The following GPAT3 variants were observed in gnomAD, a reference collection of about 807,000 sequenced individuals.
GPAT3 encodes the protein glycerol-3-phosphate acyltransferase 3.
Under a neutral mutation model 58.8 loss-of-function variants are expected in GPAT3, and 53 were observed. That is an observed-to-expected ratio of 0.90 (90% CI 0.72 to 1.13). The LOEUF (loss-of-function observed/expected upper bound fraction) is 1.13, where lower values mean the gene tolerates loss of function less well. GPAT3 is among the 50% of genes most tolerant of loss of function. The pLI is 0.00. For missense variants in GPAT3, 511 were observed against 527.6 expected, an observed-to-expected ratio of 0.97 and a Z score of 0.31; for synonymous variants, 197 against 187.4, an observed-to-expected ratio of 1.05 and a Z score of -0.42.
intron 1 of GPAT3, among the ~76,000 whole-genome samples, chr4:83,542,539 C>T (rs766618132): frequency 2.0e-5 from 3 of 152,162 alleles, no homozygotes; most frequent in African/African-American, 7.2e-5. Context: ...GGGGTCCTGA[C>T]GTAGTCAGAT....
rs1282924798 is a variant in GPAT3 at position 83,541,898 on chromosome 4, A to T, written c.142-2638A>T. Reference sequence around the variant, plus strand: ...CGTGGCCCTTTCTCTCTGTGCTCACATCCTTGTGTCTATTTGCATGTCCAA... The same window carrying T: ...CGTGGCCCTTTCTCTCTGTGCTCACTTCCTTGTGTCTATTTGCATGTCCAA... On this transcript the variant is annotated intron_variant, in intron 1 of 11. Coordinates refer to ENST00000264409, the MANE Select transcript of GPAT3 (RefSeq NM_032717.5). Among the ~76,000 whole-genome samples, 3 of 152,208 alleles carry T rather than the reference A, an allele frequency of 2.0e-5. No individual in the cohort carries two copies. In the East Asian group the frequency reaches 5.8e-4, roughly 29 times the overall value.
intron 2 of GPAT3, among the ~76,000 whole-genome samples, chr4:83,560,382 GC>G (rs1725087064): frequency 6.6e-6 from 1 of 152,162 alleles, no homozygotes; most frequent in Admixed American, 6.5e-5. Flanking sequence ...TGCCCAGGCA[GC>G]CGTACCTGCT....
chr4:83,536,568 T>A lies in GPAT3; in HGVS notation c.-55T>A. Reference sequence around the variant, plus strand: ...CGCGGGACTGCCTGGGGACAGGGACTGCTGTGGCGCTCGGCCCTCCACTGC... The same window carrying A: ...CGCGGGACTGCCTGGGGACAGGGACAGCTGTGGCGCTCGGCCCTCCACTGC... On this transcript the variant is annotated 5_prime_UTR_variant, in exon 1 of 12. Coordinates refer to ENST00000264409, the MANE Select transcript of GPAT3 (RefSeq NM_032717.5). The A allele has an allele frequency of 6.3e-7, 1 of 1,586,078 alleles. No homozygotes were observed. Among genetic ancestry groups the A allele is most frequent in the Non-Finnish European group, 8.6e-7 (1 of 1,165,002 alleles).
At chr4:83,553,371 G>A (rs1042325415) in intron 2 of GPAT3, among the ~76,000 whole-genome samples, 6 of 152,028 alleles carry the variant, frequency 3.9e-5, no homozygotes, top group Non-Finnish European at 5.9e-5. Flanking sequence ...TTTTCTTTTC[G>A]AATAGTAGTA....
At chr4:83,592,344 T>A (rs183197695) in intron 6 of GPAT3, among the ~76,000 whole-genome samples, 15 of 152,308 alleles carry the variant, frequency 9.8e-5, no homozygotes, top group Admixed American at 9.2e-4. Context: ...GGAGGTGGCG[T>A]AAGGCAGATG....
Position 83,598,157 on chromosome 4 carries a change from A to G in GPAT3, c.1103A>G (p.Tyr368Cys), listed in dbSNP as rs771494552. The G allele has an allele frequency of 6.2e-7, 1 of 1,613,432 alleles. No individual in the cohort carries two copies. The highest frequency in any genetic ancestry group is 1.1e-5 in the South Asian group (1 of 91,008). Reference sequence around the variant, plus strand: ...TGGGCCATCGTCTGTGACGTGTGGTACATGCCCCCCATGACCAGAGAGGTA... The same window carrying G: ...TGGGCCATCGTCTGTGACGTGTGGTGCATGCCCCCCATGACCAGAGAGGTA... ...TSWAIVCDVW[Y>C]MPPMTREEGE... is the part of the protein sequence containing the mutation. The change falls in exon 10 of 12, where the codon TAC becomes TGC. Residue 368 changes from tyrosine (Y) to cysteine (C), a missense_variant. By Grantham distance (194) the Tyr-to-Cys change is radical (BLOSUM62 -2). Coordinates refer to ENST00000264409, the MANE Select transcript of GPAT3 (RefSeq NM_032717.5).
At chr4:83,552,534 G>A (rs1724792857) in intron 2 of GPAT3, among the ~76,000 whole-genome samples, 1 of 152,238 alleles carries the variant, frequency 6.6e-6, no homozygotes, top group Admixed American at 6.5e-5. Flanking sequence ...GAATGACAAA[G>A]TAAGGCATAG....
At chr4:83,547,283 T>G (rs10027723) in intron 2 of GPAT3, among the ~76,000 whole-genome samples, 2 of 135,124 alleles carry the variant, frequency 1.5e-5, no homozygotes, top group African/African-American at 2.9e-5. Flanking sequence ...GATGGAGTCT[T>G]GCTCTGTCAC....
chr4:83,579,130 TCTTTCTCC>T (rs1232305764), intron 2 of GPAT3, among the ~76,000 whole-genome samples: 1 of 77,074 alleles, frequency 1.3e-5, no homozygotes, highest in Admixed American at 1.5e-4. Flanking sequence ...TTCCTTCCTT[TCTTTCTCC>T]CTCCCTCCCT....
intron 3 of GPAT3, among the ~76,000 whole-genome samples, chr4:83,584,509 A>G (rs1026755846): frequency 6.6e-6 from 1 of 152,154 alleles, no homozygotes; most frequent in African/African-American, 2.4e-5. Context: ...TGAATTGCAT[A>G]CTTTATTTTA....
Position 83,536,738 on chromosome 4 carries a change from T to G in GPAT3, c.116T>G (p.Met39Arg). ...GVSLGISEIY[M>R]KILVKTLEWA... is the part of the protein sequence containing the mutation. Reference sequence around the variant, plus strand: ...TCTCTGGGCATCTCCGAGATCTACATGAAGATCCTAGTGAAAACTTTAGAG... The same window carrying G: ...TCTCTGGGCATCTCCGAGATCTACAGGAAGATCCTAGTGAAAACTTTAGAG... The change falls in exon 1 of 12, where the codon ATG (methionine) becomes AGG (arginine). Residue 39 changes from methionine to arginine, a missense_variant. Transcript: ENST00000264409. 1 of 1,568,872 alleles carries G rather than the reference T, an allele frequency of 6.4e-7. No homozygotes were observed. The highest frequency in any genetic ancestry group is 8.6e-7 in the Non-Finnish European group (1 of 1,156,790).
chr4:83,588,367 T>C (rs1726468315), intron 5 of GPAT3, 68 bp downstream of exon 5: 7 of 1,463,534 alleles, frequency 4.8e-6, no homozygotes, highest in African/African-American at 4.2e-5. Context: ...CAAGGAAGCA[T>C]TGGAAGTGGT....
chr4:83,588,091 T>C, intron 4 of GPAT3, 119 bp from the exon 5 acceptor site: 2 of 764,668 alleles, frequency 2.6e-6, no homozygotes, highest in South Asian at 3.4e-5. Flanking sequence ...AATTGAACTG[T>C]ACCTGTTCAC....
chr4:83,573,569 C>T (rs908183476), intron 2 of GPAT3, among the ~76,000 whole-genome samples: 1 of 152,210 alleles, frequency 6.6e-6, no homozygotes, highest in Non-Finnish European at 1.5e-5. Flanking sequence ...TGTATACATA[C>T]AGTTGGTCAT....
chr4:83,592,559 T>C (rs1464477739), intron 6 of GPAT3, among the ~76,000 whole-genome samples: 1 of 152,256 alleles, frequency 6.6e-6, no homozygotes, highest in Non-Finnish European at 1.5e-5. Context: ...CATTGTAGAA[T>C]GGCTAAATCA....
chr4:83,540,717 GCT>G (rs1333934865), intron 1 of GPAT3, among the ~76,000 whole-genome samples: 2 of 152,004 alleles, frequency 1.3e-5, no homozygotes, highest in East Asian at 3.9e-4. Context: ...ACAGAGCCTC[GCT>G]CTGTCACCCA....
chr4:83,561,930 G>A (rs141098662), intron 2 of GPAT3, among the ~76,000 whole-genome samples: 23 of 150,952 alleles, frequency 1.5e-4, no homozygotes, highest in East Asian at 7.8e-4. Context: ...ATGATATTTC[G>A]TAAGTTTGAT....
At chr4:83,566,446 A>T (rs1408532495) in intron 2 of GPAT3, among the ~76,000 whole-genome samples, 1 of 148,372 alleles carries the variant, frequency 6.7e-6, no homozygotes, top group African/African-American at 2.5e-5. Flanking sequence ...TATTATTATT[A>T]TTTTTAATAG....
rs9995771 is a variant in GPAT3, at chr4:83,594,850, C to T, written c.744C>T (p.Gly248=). ...LTTDGCYAMV[G]QVHGGLMGII... is the part of the protein sequence containing the mutation. ...TTTTCTTATGCTACTTCTAGGTTGG[C>T]CAGGTTCATGGCGGCTTGATGGGAA... The change falls in exon 7 of 12, where the codon GGC becomes GGT. Residue 248 remains glycine (G), a synonymous_variant. Coordinates refer to ENST00000264409, the MANE Select transcript of GPAT3 (RefSeq NM_032717.5). 6.8e-6 allele frequency: 11 copies of T among 1,613,548 alleles called. No individual in the cohort carries two copies. The highest frequency in any genetic ancestry group is 9.3e-6 in the Non-Finnish European group (11 of 1,179,696).
Sources: allele counts gnomAD v4.1 joint callset (sites outside exome capture counted in the v4.1 genomes callset), GRCh38; gene constraint gnomAD v4.1.1; transcripts MANE v1.5; gene names NCBI Gene and HGNC (gene_info 2026-07-23, HGNC 2026-07-21).